The following DPYS variants were observed in gnomAD, a reference collection of about 807,000 sequenced individuals.
The protein encoded by DPYS is dihydropyrimidine amidohydrolase.
Under a neutral mutation model 50.3 loss-of-function variants are expected in DPYS, and 39 were observed. That is an observed-to-expected ratio of 0.78 (90% CI 0.60 to 1.01). The LOEUF (loss-of-function observed/expected upper bound fraction) is 1.01, where lower values mean the gene tolerates loss of function less well. DPYS is among the 50% of genes least tolerant of loss of function. DPYS has a pLI of 0.00. For synonymous variants in DPYS, 245 were observed against 250.7 expected, an observed-to-expected ratio of 0.98 and a Z score of 0.22; for missense variants, 659 against 680.9, an observed-to-expected ratio of 0.97 and a Z score of 0.36.
intron 7 of DPYS, among the ~76,000 whole-genome samples, chr8:104,397,847 A>G (rs568662699): frequency 6.6e-6 from 1 of 152,300 alleles, no homozygotes; most frequent in South Asian, 2.1e-4. Context: ...TATATTTGTA[A>G]CCCTGCCATC....
intron 7 of DPYS, among the ~76,000 whole-genome samples, chr8:104,408,365 A>G (rs1463144109): frequency 1.3e-5 from 2 of 152,232 alleles, no homozygotes; most frequent in Non-Finnish European, 1.5e-5. Context: ...TTACCAAAAG[A>G]AACATGAACA....
At position 104,408,132 on chromosome 8, in the gene DPYS, C is replaced by T. The variant is rs149970643; in HGVS notation, c.1236-15141G>A. ...ATAAAAATCTGAGCTCACACCCTAG[C>T]CATGCTATTTCTGCATTTGGAAGAA... On this transcript the variant is annotated intron_variant, in intron 7 of 9. Transcript: ENST00000351513. 2.1e-3 allele frequency among the ~76,000 whole-genome samples: 317 copies of T among 152,366 alleles called. 1 individual carries two copies. Among genetic ancestry groups the T allele is most frequent in the African/African-American group, 5.6e-3 (232 of 41,586 alleles).
At chr8:104,426,424 G>A (rs1017538374) in intron 6 of DPYS, among the ~76,000 whole-genome samples, 3 of 152,192 alleles carry the variant, frequency 2.0e-5, no homozygotes, top group Non-Finnish European at 2.9e-5. Flanking sequence ...CTCTGGAGAT[G>A]GGGACCAGCT....
chr8:104,427,053 T>G (rs542850423), intron 6 of DPYS, among the ~76,000 whole-genome samples: 7 of 151,410 alleles, frequency 4.6e-5, no homozygotes, highest in Non-Finnish European at 8.8e-5. Flanking sequence ...ATACAAAAAT[T>G]TGCCAGTCAT....
chr8:104,392,868 G>C lies in DPYS; in HGVS notation c.1359C>G (p.Phe453Leu), dbSNP rs1289522374. ...RGKVVYEAGV[F>L]SVTAGDGKFI... ...ACTTCCCATCTCCTGCCGTGACACT[G>C]AACACTCCGGCTTCATATACCACTT... Residue 453 changes from phenylalanine (F) to leucine (L), a missense_variant, in exon 8 of 10, where the codon TTC becomes TTG. Coordinates refer to ENST00000351513, the MANE Select transcript of DPYS (RefSeq NM_001385.3). 1 of 1,614,054 alleles carries C rather than the reference G, an allele frequency of 6.2e-7. No individual in the cohort carries two copies. The highest frequency in any genetic ancestry group is 8.5e-7 in the Non-Finnish European group (1 of 1,180,036).
chr8:104,463,855 A>C (rs1814255545), intron 1 of DPYS, among the ~76,000 whole-genome samples: 1 of 152,068 alleles, frequency 6.6e-6, no homozygotes, highest in South Asian at 2.1e-4. Context: ...AGACAAAATA[A>C]CTCTATAATG....
intron 8 of DPYS, among the ~76,000 whole-genome samples, chr8:104,387,826 T>G (rs143722880): frequency 1.3e-5 from 2 of 152,328 alleles, no homozygotes; most frequent in African/African-American, 4.8e-5. Flanking sequence ...TAGTGATGTG[T>G]TGGTAAATAT....
intron 8 of DPYS, 34 bp downstream of exon 8, chr8:104,392,750 G>A (rs760993528): frequency 1.2e-5 from 19 of 1,611,584 alleles, no homozygotes; most frequent in African/African-American, 4.0e-5. Context: ...GAGACAGTCC[G>A]ACTTGTGGCA....
chr8:104,434,216 A>G (rs528528144), intron 4 of DPYS, among the ~76,000 whole-genome samples: 1 of 152,228 alleles, frequency 6.6e-6, no homozygotes, highest in Non-Finnish European at 1.5e-5. Context: ...CGATAGAAAG[A>G]AATGTTTGGA....
intron 4 of DPYS, among the ~76,000 whole-genome samples, chr8:104,440,042 T>C (rs1162532814): frequency 3.3e-5 from 5 of 152,186 alleles, no homozygotes; most frequent in Non-Finnish European, 5.9e-5. Context: ...AGCATTATTA[T>C]GACAATTTTT....
At chr8:104,399,917 G>T (rs1811739096) in intron 7 of DPYS, among the ~76,000 whole-genome samples, 1 of 148,182 alleles carries the variant, frequency 6.7e-6, no homozygotes, top group Non-Finnish European at 1.5e-5. Flanking sequence ...CTGCTTTGGA[G>T]ATAATCTGAC....
chr8:104,457,933 C>T (rs1813985095), intron 1 of DPYS, among the ~76,000 whole-genome samples: 1 of 152,190 alleles, frequency 6.6e-6, no homozygotes, highest in Non-Finnish European at 1.5e-5. Context: ...ACCCTGGAGG[C>T]TGTCTTCTAT....
intron 5 of DPYS, 85 bp from the exon 6 acceptor site, chr8:104,428,206 G>C (rs1009832650): frequency 1.3e-6 from 2 of 1,571,002 alleles, no homozygotes; most frequent in African/African-American, 2.7e-5. Context: ...CTAATCTCCT[G>C]GCTCCCTTCT....
At chr8:104,427,267 G>A (rs117130538) in intron 6 of DPYS, among the ~76,000 whole-genome samples, 2,743 of 149,244 alleles carry the variant, frequency 0.018, 130 homozygotes, top group Admixed American at 0.11. Flanking sequence ...TGAGCATAAC[G>A]AATACGCTTC....
chr8:104,457,066 A>G (rs995284390), intron 1 of DPYS, among the ~76,000 whole-genome samples: 1 of 152,218 alleles, frequency 6.6e-6, no homozygotes, highest in Non-Finnish European at 1.5e-5. Flanking sequence ...CTATATGTAC[A>G]TACCTGTGAT....
At chr8:104,387,800 G>C (rs1246663898) in intron 8 of DPYS, among the ~76,000 whole-genome samples, 1 of 152,172 alleles carries the variant, frequency 6.6e-6, no homozygotes, top group Non-Finnish European at 1.5e-5. Context: ...AGAGTACTTA[G>C]AAAGTGTCCT....
In DPYS at chr8:104,429,559, C is replaced by G; in HGVS notation, c.936G>C (p.Met312Ile). ...RPDPSTPDFLMNLLANDDLTT... is the reference protein window; with the variant it reads ...RPDPSTPDFLINLLANDDLTT... ...AAAATGATTACTTAGCCAACAGATT[C>G]ATGAGGAAGTCGGGTGTTGAGGGGT... The change falls in exon 5 of 10, where the codon ATG becomes ATC. Residue 312 changes from methionine (M) to isoleucine (I), a missense_variant. By Grantham distance (10) the Met-to-Ile change is conservative. Coordinates refer to ENST00000351513, the MANE Select transcript of DPYS (RefSeq NM_001385.3). 1 of 1,614,048 alleles carries G rather than the reference C, an allele frequency of 6.2e-7. No homozygotes were observed. Among genetic ancestry groups the G allele is most frequent in the Non-Finnish European group, 8.5e-7 (1 of 1,179,986 alleles).
At chr8:104,406,898 T>A (rs1007071867) in intron 7 of DPYS, among the ~76,000 whole-genome samples, 2 of 152,188 alleles carry the variant, frequency 1.3e-5, no homozygotes, top group African/African-American at 4.8e-5. Context: ...GACTAATATA[T>A]CCTGGCTGGG....
At chr8:104,451,120 G>T (rs1813721087) in intron 2 of DPYS, 126 bp downstream of exon 2, 4 of 1,215,848 alleles carry the variant, frequency 3.3e-6, no homozygotes, top group Non-Finnish European at 4.8e-6. Flanking sequence ...AATATGCAAT[G>T]AAAAGTCTTC....
Sources: allele counts gnomAD v4.1 joint callset (sites outside exome capture counted in the v4.1 genomes callset), GRCh38; gene constraint gnomAD v4.1.1; transcripts MANE v1.5; gene names NCBI Gene and HGNC (gene_info 2026-07-23, HGNC 2026-07-21).